Variants in KCNK10 observed in about 807,000 individuals in gnomAD.
KCNK10 encodes the protein potassium two pore domain channel subfamily K member 10.
A neutral mutation model predicts 47.7 loss-of-function variants in KCNK10; 25 were observed. That is an observed-to-expected ratio of 0.52 (90% CI 0.38 to 0.73). KCNK10 has a LOEUF of 0.73. KCNK10 is among the 30% of genes least tolerant of loss of function. The pLI, the probability that KCNK10 is intolerant of heterozygous loss-of-function variation, is 0.00. For synonymous variants in KCNK10, 303 were observed against 285.6 expected, an observed-to-expected ratio of 1.06 and a Z score of -0.61; for missense variants, 563 against 714.5, an observed-to-expected ratio of 0.79 and a Z score of 2.42.
chr14:88,250,296 AGGCTG>A (rs1158488833), intron 2 of KCNK10, among the ~76,000 whole-genome samples: 1 of 152,190 alleles, frequency 6.6e-6, no homozygotes, highest in Non-Finnish European at 1.5e-5. Flanking sequence ...CTGTAGACAC[AGGCTG>A]GGGGCTGCAG....
chr14:88,192,255 C>A lies in KCNK10; in HGVS notation c.837G>T (p.Leu279=), dbSNP rs34207389. 4.0e-3 allele frequency: 6,492 copies of A among 1,613,744 alleles called. 222 individuals carry two copies. In the African/African-American group the frequency reaches 0.073, roughly 18 times the overall value. The change falls in exon 5 of 7, where the codon CTG becomes CTT. Residue 279 remains leucine, a synonymous_variant. Transcript: ENST00000319231. ...LESIYFVVVT[L]TTVGFGDFVA... ...CAAAATCACCAAAGCCCACCGTGGTCAGAGTGACCACCACAAAGTAAATGG... is the reference window on the plus strand; with the variant it reads ...CAAAATCACCAAAGCCCACCGTGGTAAGAGTGACCACCACAAAGTAAATGG...
intron 4 of KCNK10, among the ~76,000 whole-genome samples, chr14:88,223,580 T>A (rs1885889599): frequency 6.6e-6 from 1 of 152,144 alleles, no homozygotes; most frequent in Non-Finnish European, 1.5e-5. Context: ...TCTGGGTGAC[T>A]CTCCTCTCAG....
Position 88,323,095 on chromosome 14 carries a change from G to A in KCNK10, c.-297C>T, listed in dbSNP as rs1250660783. 25 of 1,225,450 alleles carry A rather than the reference G, an allele frequency of 2.0e-5. 1 individual carries two copies. The South Asian group carries it at 4.4e-4, about 22-fold the overall frequency. The allele number at this position is 1,225,450 out of a possible 1,614,324, so 75.9% of individuals were successfully genotyped here. On this transcript the variant is annotated 5_prime_UTR_variant, in exon 1 of 7. Transcript: ENST00000319231. ...TGAAAGGATGGAGAGGAAGGCTTGGGGAGATGGAAGAGCCAAGCTGCTTCC... is the reference window on the plus strand; with the variant it reads ...TGAAAGGATGGAGAGGAAGGCTTGGAGAGATGGAAGAGCCAAGCTGCTTCC...
At chr14:88,289,666 T>C (rs1286846702) in intron 1 of KCNK10, among the ~76,000 whole-genome samples, 1 of 152,226 alleles carries the variant, frequency 6.6e-6, no homozygotes, top group Non-Finnish European at 1.5e-5. Context: ...GGGGCTGTGA[T>C]GAATTGTTCA....
chr14:88,188,572 G>A (rs1884647575), intron 5 of KCNK10, among the ~76,000 whole-genome samples: 1 of 152,184 alleles, frequency 6.6e-6, no homozygotes, highest in African/African-American at 2.4e-5. Context: ...TTTACTAAGA[G>A]ACAAGTGGAT....
chr14:88,226,554 C>T (rs1256593185), intron 4 of KCNK10, among the ~76,000 whole-genome samples: 4 of 152,088 alleles, frequency 2.6e-5, no homozygotes, highest in East Asian at 3.9e-4. Context: ...ATTAGGTCAG[C>T]GGTGAGTAAG....
intron 1 of KCNK10, among the ~76,000 whole-genome samples, chr14:88,295,297 G>A (rs773465150): frequency 6.6e-6 from 1 of 152,154 alleles, no homozygotes; most frequent in Non-Finnish European, 1.5e-5. Context: ...TAGCCACCTT[G>A]GACATTTGAA....
chr14:88,301,203 C>T (rs576982332), intron 1 of KCNK10, among the ~76,000 whole-genome samples: 12 of 152,162 alleles, frequency 7.9e-5, no homozygotes, highest in South Asian at 2.1e-4. Context: ...TGATAATGTA[C>T]GCAAAATGCC....
intron 1 of KCNK10, among the ~76,000 whole-genome samples, chr14:88,269,372 G>A (rs1167086380): frequency 2.6e-5 from 4 of 152,156 alleles, no homozygotes; most frequent in African/African-American, 9.6e-5. Context: ...TTAATAAGAC[G>A]CATCCCGCCT....
Position 88,186,750 on chromosome 14 carries a change from A to G in KCNK10, c.1012-595T>C, listed in dbSNP as rs1285490353. Among the ~76,000 whole-genome samples the G allele has an allele frequency of 6.6e-6, 1 of 152,102 alleles. No individual in the cohort carries two copies. The highest frequency in any genetic ancestry group is 1.9e-4 in the East Asian group (1 of 5,174). Reference sequence around the variant, plus strand: ...CCTGGGAAAACTGGGATGGGTGGCCACCCTATCTGGGCCATGCTATGGTCA... The same window carrying G: ...CCTGGGAAAACTGGGATGGGTGGCCGCCCTATCTGGGCCATGCTATGGTCA... On this transcript the variant is annotated intron_variant, in intron 6 of 6. Transcript: ENST00000319231. The surrounding 1 kb of genome is among the most constrained non-coding windows in gnomAD (Gnocchi z 5.5).
intron 4 of KCNK10, among the ~76,000 whole-genome samples, chr14:88,224,791 G>T (rs1198882631): frequency 6.6e-6 from 1 of 152,096 alleles, no homozygotes; most frequent in Non-Finnish European, 1.5e-5. Flanking sequence ...TGTATTTTTA[G>T]TACTGACAGG....
At chr14:88,203,365 C>G (rs1181421510) in intron 4 of KCNK10, among the ~76,000 whole-genome samples, 1 of 152,174 alleles carries the variant, frequency 6.6e-6, no homozygotes, top group Non-Finnish European at 1.5e-5. Flanking sequence ...TTTAAATTAG[C>G]CATAGTTTCT....
chr14:88,291,610 G>A (rs546633766), intron 1 of KCNK10, among the ~76,000 whole-genome samples: 1 of 152,322 alleles, frequency 6.6e-6, no homozygotes, highest in South Asian at 2.1e-4. Flanking sequence ...ATACTTCATA[G>A]AATGCACTGC....
chr14:88,293,018 T>C (rs1481640652), intron 1 of KCNK10, among the ~76,000 whole-genome samples: 1 of 152,198 alleles, frequency 6.6e-6, no homozygotes, highest in African/African-American at 2.4e-5. Flanking sequence ...TTTTTATTTC[T>C]ATTTTACTTG....
chr14:88,240,001 C>T (rs1184032174), intron 3 of KCNK10, among the ~76,000 whole-genome samples: 1 of 151,828 alleles, frequency 6.6e-6, no homozygotes, highest in Admixed American at 6.6e-5. Flanking sequence ...AAGACTGATA[C>T]AGGAAAGAGG....
In KCNK10 at chr14:88,186,049, C is replaced by A; in HGVS notation, c.1118G>T (p.Arg373Leu). Residue 373 changes from arginine to leucine, a missense_variant, in exon 7 of 7, where the codon CGG (arginine) becomes CTG (leucine). By Grantham distance (102) the Arg-to-Leu change is moderately radical (BLOSUM62 -2). Transcript: ENST00000319231. The surrounding 1 kb of genome is among the most constrained non-coding windows in gnomAD (Gnocchi z 5.5). Reference sequence around the variant, plus strand: ...CTCCATGCTGCGGATGGTGGCCGCCCGCTGCAGCTTATCGTGGATCTCCAC... The same window carrying A: ...CTCCATGCTGCGGATGGTGGCCGCCAGCTGCAGCTTATCGTGGATCTCCAC... ...LSVEIHDKLQRAATIRSMERR... is the reference protein window; with the variant it reads ...LSVEIHDKLQLAATIRSMERR... 1.2e-6 allele frequency: 2 copies of A among 1,613,124 alleles called. No homozygotes were observed. The highest frequency in any genetic ancestry group is 1.7e-6 in the Non-Finnish European group (2 of 1,179,946).
intron 1 of KCNK10, among the ~76,000 whole-genome samples, chr14:88,321,691 A>T (rs1439932644): frequency 6.6e-6 from 1 of 152,244 alleles, no homozygotes; most frequent in East Asian, 1.9e-4. Context: ...GTCAATTCCT[A>T]AGACATTTAC....
chr14:88,190,833 C>G (rs1490042427), intron 5 of KCNK10, among the ~76,000 whole-genome samples: 1 of 152,004 alleles, frequency 6.6e-6, no homozygotes, highest in Non-Finnish European at 1.5e-5. Flanking sequence ...TATTGATGAG[C>G]CTTCAGCAAT....
At chr14:88,257,189 C>T (rs1886980325) in intron 2 of KCNK10, among the ~76,000 whole-genome samples, 1 of 152,162 alleles carries the variant, frequency 6.6e-6, no homozygotes, top group Non-Finnish European at 1.5e-5. Context: ...TTCCTTCTTC[C>T]CGTTTCTCCT....
Sources: gnomAD v4.1 joint callset for allele counts (sites outside exome capture counted in the v4.1 genomes callset) on GRCh38, gnomAD v4.1.1 for gene constraint, Gnocchi (gnomAD v3.1) non-coding constraint, MANE v1.5 for transcripts, NCBI Gene and HGNC (gene_info 2026-07-23, HGNC 2026-07-21) for gene names.